Variants in TNFRSF8 observed in about 807,000 individuals in gnomAD.
TNFRSF8 encodes TNF receptor superfamily member 8.
A neutral mutation model predicts 70.8 loss-of-function variants in TNFRSF8; 26 were observed. The ratio of observed to expected loss-of-function variants is 0.37; its 90% CI spans 0.27 to 0.51. TNFRSF8 has a LOEUF of 0.51. Ranked by LOEUF, TNFRSF8 falls within the 20% of genes least tolerant of loss-of-function variation. The pLI, the probability that TNFRSF8 is intolerant of heterozygous loss-of-function variation, is 0.94. For synonymous variants in TNFRSF8, 356 were observed against 339.2 expected, an observed-to-expected ratio of 1.05 and a Z score of -0.54; for missense variants, 720 against 807.9, an observed-to-expected ratio of 0.89 and a Z score of 1.32.
intron 12 of TNFRSF8, among the ~76,000 whole-genome samples, chr1:12,130,159 C>T (rs562399): frequency 2.6e-5 from 4 of 152,208 alleles, no homozygotes; most frequent in Non-Finnish European, 5.9e-5. Context: ...CCTCCCGCCT[C>T]GGCCTCCCAA....
chr1:12,136,870 C>CTTTTTTTTTTTTTTTTTTTT (rs201470263), intron 13 of TNFRSF8, among the ~76,000 whole-genome samples: 7 of 118,712 alleles, frequency 5.9e-5, no homozygotes, highest in Non-Finnish European at 8.8e-5. Context: ...ATACTCAGTT[C>CTTTTTTTTTTTTTTTTTTTT]TTTTTTTTTT....
At position 12,063,756 on chromosome 1, in the gene TNFRSF8, GT is replaced by G; in HGVS notation, c.63+97del. On this transcript the variant is annotated intron_variant, in intron 1 of 14. Coordinates refer to ENST00000263932, the MANE Select transcript of TNFRSF8 (RefSeq NM_001243.5). This position sits in a 1 kb window ranked among gnomAD's most constrained non-coding sequence, Gnocchi z 7.2. ...CGCAAGGGAGGACACTCCTCACCCC[GT>G]TCCCTGCCCAGCTGGAGTGAGGGGG... 1 of 1,154,836 alleles carries G rather than the reference GT, an allele frequency of 8.7e-7. No individual in the cohort carries two copies. The highest frequency in any genetic ancestry group is 1.1e-6 in the Non-Finnish European group (1 of 909,214). The allele number at this position is 1,154,836 out of a possible 1,614,324, so 71.5% of individuals were successfully genotyped here. A position where few individuals can be genotyped will look rare whatever the true frequency, so the allele number is the denominator to read the frequency against.
rs186639950 is a variant in TNFRSF8 at position 12,138,748 on chromosome 1, C to T, written c.1543+312C>T. Among the ~76,000 whole-genome samples, 27 of 152,352 alleles carry T rather than the reference C, an allele frequency of 1.8e-4. No individual in the cohort carries two copies. The highest frequency in any genetic ancestry group is 6.0e-4 in the African/African-American group (25 of 41,576). On this transcript the variant is annotated intron_variant, in intron 14 of 14. Coordinates refer to ENST00000263932, the MANE Select transcript of TNFRSF8 (RefSeq NM_001243.5). This position sits in a 1 kb window ranked among gnomAD's most constrained non-coding sequence, Gnocchi z 5.7. ...CAGGAGGAAGACGTGCCAGTGGTCA[C>T]AGGACCTGCCACTTGTCTGGCGCAT...
intron 3 of TNFRSF8, among the ~76,000 whole-genome samples, chr1:12,100,672 A>G (rs1641406861): frequency 3.9e-5 from 6 of 152,062 alleles, no homozygotes. Flanking sequence ...ATCTTGTCCC[A>G]TTGGCAGCGT....
In TNFRSF8 at chr1:12,108,074, A is replaced by ATTTTTTTTTTTTTTTTTTTTTTTT. The variant is rs199941905; in HGVS notation, c.422-1485_422-1484insTTTTTTTTTTTTTTTTTTTTTTTT. Among the ~76,000 whole-genome samples, 5 of 146,118 alleles carry ATTTTTTTTTTTTTTTTTTTTTTTT rather than the reference A, an allele frequency of 3.4e-5. No homozygotes were observed. The highest frequency in any genetic ancestry group is 1.3e-4 in the African/African-American group (5 of 39,670). On this transcript the variant is annotated intron_variant, in intron 4 of 14. Coordinates refer to ENST00000263932, the MANE Select transcript of TNFRSF8 (RefSeq NM_001243.5). The surrounding 1 kb of genome is among the most constrained non-coding windows in gnomAD (Gnocchi z 4.0). ...CGAAGTCCCACACATACAGGCCACC[A>ATTTTTTTTTTTTTTTTTTTTTTTT]TTTTTTTATTTTTTTTTTTTTTGTG... is the stretch of plus-strand genomic sequence containing the variant.
In TNFRSF8 at chr1:12,113,633, GAGAC is replaced by G. The variant is rs919821272; in HGVS notation, c.793+1623_793+1626del. Among the ~76,000 whole-genome samples the G allele has an allele frequency of 5.3e-5, 8 of 151,960 alleles. No individual in the cohort carries two copies. The highest frequency in any genetic ancestry group is 6.6e-5 in the Admixed American group (1 of 15,248). ...AGAGAGACAGAAAGAGGGAGAGAGAGAGACAGAAAGAGAAAGAGACGGAGTGAGC... is the reference window on the plus strand; with the variant it reads ...AGAGAGACAGAAAGAGGGAGAGAGAGAGAAAGAGAAAGAGACGGAGTGAGC... On this transcript the variant is annotated intron_variant, in intron 7 of 14. Coordinates refer to ENST00000263932, the MANE Select transcript of TNFRSF8 (RefSeq NM_001243.5). This position sits in a 1 kb window ranked among gnomAD's most constrained non-coding sequence, Gnocchi z 4.9.
rs1271436373 is a variant in TNFRSF8, at chr1:12,088,609, C to T, written c.151+4058C>T. On this transcript the variant is annotated intron_variant, in intron 2 of 14. Coordinates refer to ENST00000263932, the MANE Select transcript of TNFRSF8 (RefSeq NM_001243.5). This position sits in a 1 kb window ranked among gnomAD's most constrained non-coding sequence, Gnocchi z 4.0. ...TACCCTCTCTTTGTGTGCAGACTCGCTCCCCACAGGAAGGGGTCTCTCCTG... is the reference window on the plus strand; with the variant it reads ...TACCCTCTCTTTGTGTGCAGACTCGTTCCCCACAGGAAGGGGTCTCTCCTG... Among the ~76,000 whole-genome samples the T allele has an allele frequency of 2.6e-5, 4 of 152,326 alleles. No homozygotes were observed. Among genetic ancestry groups the T allele is most frequent in the South Asian group, 2.1e-4 (1 of 4,826 alleles).
intron 8 of TNFRSF8, among the ~76,000 whole-genome samples, chr1:12,120,796 G>A (rs567881858): frequency 6.6e-6 from 1 of 152,292 alleles, no homozygotes; most frequent in South Asian, 2.1e-4. Flanking sequence ...ATCCAAAGAG[G>A]AGGAAAAGGG....
chr1:12,082,615 G>T (rs74566498), intron 1 of TNFRSF8, among the ~76,000 whole-genome samples: 1 of 149,218 alleles, frequency 6.7e-6, no homozygotes, highest in African/African-American at 2.5e-5. Flanking sequence ...CAAAAACCAC[G>T]CCTTCCTGAA....
Position 12,076,113 on chromosome 1 carries a change from T to TTTC in TNFRSF8, c.64-8349_64-8348insCTT, listed in dbSNP as rs1557575033. 3.9e-4 allele frequency among the ~76,000 whole-genome samples: 59 copies of TTTC among 150,604 alleles called. 1 individual carries two copies. Among genetic ancestry groups the TTTC allele is most frequent in the African/African-American group, 1.3e-3 (54 of 41,082 alleles). ...TTTTTTTTTCTTTTTCTTTTTTTTT[T>TTTC]TTTTGAGATGGGGTTTCACTCATCT... On this transcript the variant is annotated intron_variant, in intron 1 of 14. Transcript: ENST00000263932.
chr1:12,104,552 C>G (rs1183445317), intron 4 of TNFRSF8, 21 bp downstream of exon 4: 1 of 1,614,008 alleles, frequency 6.2e-7, no homozygotes, highest in East Asian at 2.2e-5. Context: ...CCACCCTTAA[C>G]TCAGGACAGA....
intron 12 of TNFRSF8, among the ~76,000 whole-genome samples, chr1:12,132,027 C>T (rs1490545075): frequency 6.7e-6 from 1 of 149,724 alleles, no homozygotes; most frequent in Admixed American, 6.7e-5. Context: ...CTCCTGGCAT[C>T]GTGATTTGCC....
At chr1:12,099,711 TACAC>T (rs1459260474) in intron 3 of TNFRSF8, among the ~76,000 whole-genome samples, 1 of 151,866 alleles carries the variant, frequency 6.6e-6, no homozygotes, top group Non-Finnish European at 1.5e-5. Flanking sequence ...TTAGTGTACT[TACAC>T]ACACCTACAT....
chr1:12,137,559 T>TTTTTTTTTTTG (rs1642170326), intron 13 of TNFRSF8, among the ~76,000 whole-genome samples: 4 of 123,046 alleles, frequency 3.3e-5, no homozygotes, highest in South Asian at 4.8e-4. Flanking sequence ...TTTTTTTTTG[T>TTTTTTTTTTTG]TTTTTTTTTG....
intron 12 of TNFRSF8, among the ~76,000 whole-genome samples, chr1:12,130,671 G>A (rs74053023): frequency 0.015 from 2,361 of 152,348 alleles, 57 homozygotes; most frequent in African/African-American, 0.054. Context: ...GAGAACGCAC[G>A]TGCTCCGTGA....
intron 10 of TNFRSF8, among the ~76,000 whole-genome samples, chr1:12,124,517 C>T (rs971150768): frequency 1.3e-5 from 2 of 152,130 alleles, no homozygotes; most frequent in Non-Finnish European, 2.9e-5. Flanking sequence ...GCATTGTAGA[C>T]GGCCTCTGTC....
intron 1 of TNFRSF8, among the ~76,000 whole-genome samples, chr1:12,079,277 C>T (rs1641021140): frequency 6.6e-6 from 1 of 152,188 alleles, no homozygotes; most frequent in African/African-American, 2.4e-5. Flanking sequence ...TATCTTGATG[C>T]CACTAAGGTG....
chr1:12,140,023 C>T (rs1642223792), intron 14 of TNFRSF8, among the ~76,000 whole-genome samples: 1 of 152,212 alleles, frequency 6.6e-6, no homozygotes, highest in Admixed American at 6.5e-5. Flanking sequence ...TGGGAAATAC[C>T]ATCAAAGGCT....
chr1:12,135,730 G>C, intron 13 of TNFRSF8, 117 bp downstream of exon 13: 2 of 1,411,174 alleles, frequency 1.4e-6, no homozygotes, highest in East Asian at 5.0e-5. Flanking sequence ...GGACGGACTG[G>C]CCATTCCCCT....
Sources: gnomAD v4.1 joint callset for allele counts (sites outside exome capture counted in the v4.1 genomes callset) on GRCh38, gnomAD v4.1.1 for gene constraint, Gnocchi (gnomAD v3.1) non-coding constraint, MANE v1.5 for transcripts, NCBI Gene and HGNC (gene_info 2026-07-23, HGNC 2026-07-21) for gene names.